Variants in CTBP2 observed in about 807,000 individuals in gnomAD.
CTBP2 encodes the protein C-terminal-binding protein 2.
Under a neutral mutation model 80.3 loss-of-function variants are expected in CTBP2, and 30 were observed. The ratio of observed to expected loss-of-function variants is 0.37; its 90% CI spans 0.28 to 0.51. The LOEUF is 0.51. Among genes scored for constraint, CTBP2 ranks in the 20% least tolerant of loss-of-function variants. CTBP2 has a pLI of 0.93. For synonymous variants in CTBP2, 594 were observed against 587.4 expected (o/e 1.01, Z -0.16); for missense variants, 1,212 against 1,375.3 (o/e 0.88, Z 1.88).
chr10:125,092,176 CTTTTTTTTT>C (rs71029238), intron 2 of CTBP2, among the ~76,000 whole-genome samples: 10 of 87,128 alleles, frequency 1.1e-4, no homozygotes, highest in African/African-American at 3.8e-4. Flanking sequence ...TCTGAAGATT[CTTTTTTTTT>C]TTTTTTTTTT....
intron 2 of CTBP2, among the ~76,000 whole-genome samples, chr10:125,082,587 CTCTTTTTTT>C (rs1847337878): frequency 7.9e-6 from 1 of 126,864 alleles, no homozygotes; most frequent in African/African-American, 3.6e-5. Flanking sequence ...GCCAGCTTTC[CTCTTTTTTT>C]TTTTTTTTTT....
At chr10:125,099,578 C>T (rs1850283376) in intron 2 of CTBP2, among the ~76,000 whole-genome samples, 1 of 152,206 alleles carries the variant, frequency 6.6e-6, no homozygotes, top group African/African-American at 2.4e-5. Context: ...GGTACAATTC[C>T]TCACTCTCAA....
chr10:125,161,848 G>A (rs1045416968), upstream of CTBP2, among the ~76,000 whole-genome samples: 9 of 152,210 alleles, frequency 5.9e-5, no homozygotes, highest in African/African-American at 2.2e-4. Flanking sequence ...TCGGGGTCCT[G>A]GGCTTGCGCG....
At chr10:124,999,690 C>A (rs111514328) in intron 3 of CTBP2, 1 of 152,242 alleles carries the variant, frequency 6.6e-6, no homozygotes, top group East Asian at 1.9e-4. Flanking sequence ...AACTTTCCCA[C>A]GAGCTGGATG....
chr10:125,012,708 CGGCTCACTGCAACCTCCGCCTCCTG>C (rs1197027029), intron 1 of CTBP2, among the ~76,000 whole-genome samples: 5 of 152,124 alleles, frequency 3.3e-5, no homozygotes, highest in South Asian at 4.1e-4. Context: ...GGCGCGATCT[CGGCTCACTGCAACCTCCGCCTCCTG>C]GGCTCACGTG....
At position 125,026,736 on chromosome 10, in the gene CTBP2, G is replaced by T; in HGVS notation, c.1024C>A (p.Leu342Met). The T allele has an allele frequency of 6.2e-7, 1 of 1,612,976 alleles. No homozygotes were observed. Among genetic ancestry groups the T allele is most frequent in the Non-Finnish European group, 8.5e-7 (1 of 1,179,956 alleles). ...CTGCAGCTATTGGCCAGGCGGCTCA[G>T]AACACGGGCCTGGCCCAGGTTGGGT... is the stretch of plus-strand genomic sequence containing the variant. Residue 342 changes from leucine (L) to methionine (M), a missense_variant, in exon 1 of 9, where the codon CTG becomes ATG. Transcript: ENST00000309035.
chr10:125,053,595 G>GCTC (rs1298778155), intron 2 of CTBP2, among the ~76,000 whole-genome samples: 2 of 152,254 alleles, frequency 1.3e-5, no homozygotes, highest in African/African-American at 4.8e-5. Flanking sequence ...GCAGAGAAGG[G>GCTC]GTGAGGCTAA....
Position 124,985,144 on chromosome 10 carries a change from T to G in CTBP2, c.*4374A>C. 1 of 606,022 alleles carries G rather than the reference T, an allele frequency of 1.7e-6. No individual in the cohort carries two copies. The highest frequency in any genetic ancestry group is 2.9e-6 in the Non-Finnish European group (1 of 346,418). The allele number at this position is 606,022 out of a possible 1,614,324, so 37.5% of individuals were successfully genotyped here. A position where few individuals can be genotyped will look rare whatever the true frequency, so the allele number is the denominator to read the frequency against. Reference sequence around the variant, plus strand: ...GTTTTCCTGGACCACACACACCTTATGGAGATAATGCCTCTGCTGCGTGAG... The same window carrying G: ...GTTTTCCTGGACCACACACACCTTAGGGAGATAATGCCTCTGCTGCGTGAG... On this transcript the variant is annotated 3_prime_UTR_variant, in exon 9 of 9. Transcript: ENST00000309035.
chr10:125,091,862 A>C (rs1400426437), intron 2 of CTBP2, among the ~76,000 whole-genome samples: 2 of 152,192 alleles, frequency 1.3e-5, no homozygotes, highest in Non-Finnish European at 2.9e-5. Context: ...AAATTCTACC[A>C]ACTAAAGATA....
At chr10:124,993,132 C>A in intron 7 of CTBP2, 70 bp downstream of exon 9, 1 of 1,529,532 alleles carries the variant, frequency 6.5e-7, no homozygotes. Context: ...CTGTAGCCAG[C>A]AGGACAGGAG....
chr10:125,145,376 T>C (rs1427883433), intron 1 of CTBP2, among the ~76,000 whole-genome samples: 1 of 152,006 alleles, frequency 6.6e-6, no homozygotes, highest in East Asian at 1.9e-4. Context: ...AAGCCAACCT[T>C]TTGAGCACCC....
intron 1 of CTBP2, among the ~76,000 whole-genome samples, chr10:125,025,106 G>C (rs1440358311): frequency 6.6e-6 from 1 of 151,576 alleles, no homozygotes; most frequent in Non-Finnish European, 1.5e-5. Context: ...CAAAAAGGTA[G>C]ATCTTATTGT....
intron 1 of CTBP2, among the ~76,000 whole-genome samples, chr10:125,155,322 G>C (rs1483920585): frequency 1.3e-5 from 2 of 152,114 alleles, no homozygotes; most frequent in African/African-American, 4.8e-5. Context: ...CTAGCCCTTG[G>C]CTCCCATGGT....
intron 2 of CTBP2, among the ~76,000 whole-genome samples, chr10:125,046,557 AATTTGG>A (rs1328830614): frequency 1.7e-4 from 25 of 150,094 alleles, no homozygotes; most frequent in Admixed American, 1.1e-3. Context: ...AAAAAAAAAG[AATTTGG>A]ATATGAGGCT....
Position 125,002,969 on chromosome 10 carries a change from C to A in CTBP2, c.1969G>T (p.Gly657Cys). Residue 657 changes from glycine (G) to cysteine (C), a missense_variant, in exon 3 of 9, where the codon GGC (glycine) becomes TGC (cysteine). Coordinates refer to ENST00000309035, the MANE Select transcript of CTBP2 (RefSeq NM_022802.3). Reference sequence around the variant, plus strand: ...GCTGCCTCGCACTCACCGAGCTCGCCGGCAGCCTTGATGTCCACGTTGTCA... The same window carrying A: ...GCTGCCTCGCACTCACCGAGCTCGCAGGCAGCCTTGATGTCCACGTTGTCA... 1 of 1,612,822 alleles carries A rather than the reference C, an allele frequency of 6.2e-7. No homozygotes were observed. The highest frequency in any genetic ancestry group is 8.5e-7 in the Non-Finnish European group (1 of 1,179,906).
intron 2 of CTBP2, among the ~76,000 whole-genome samples, chr10:125,106,692 G>A (rs1851514278): frequency 6.6e-6 from 1 of 152,228 alleles, no homozygotes; most frequent in Non-Finnish European, 1.5e-5. Flanking sequence ...TCCAGCGAAG[G>A]AGCAACTCAG....
intron 4 of CTBP2, 123 bp from the exon 7 acceptor site, chr10:124,994,806 C>T: frequency 1.0e-6 from 1 of 986,626 alleles, no homozygotes; most frequent in Admixed American, 2.1e-5. Context: ...GCCAGAGAAA[C>T]CGTGTGCCCA....
intron 1 of CTBP2, among the ~76,000 whole-genome samples, chr10:125,131,849 T>G (rs546206880): frequency 6.6e-6 from 1 of 152,292 alleles, no homozygotes; most frequent in East Asian, 1.9e-4. Context: ...GTTTCTTAAT[T>G]AGTGCTGCCG....
At chr10:125,042,846 G>GT (rs755529141) in intron 2 of CTBP2, among the ~76,000 whole-genome samples, 27 of 151,950 alleles carry the variant, frequency 1.8e-4, no homozygotes, top group Non-Finnish European at 3.4e-4. Flanking sequence ...CAGGAAAGCT[G>GT]TATCTTTTCA....
Sources: allele counts gnomAD v4.1 joint callset (sites outside exome capture counted in the v4.1 genomes callset), GRCh38; gene constraint gnomAD v4.1.1; transcripts MANE v1.5; gene names NCBI Gene and HGNC (gene_info 2026-07-23, HGNC 2026-07-21).